Variants in TNRC6A observed in about 807,000 individuals in gnomAD.
The protein encoded by TNRC6A is trinucleotide repeat-containing gene 6A protein.
In TNRC6A, 44 loss-of-function variants were observed where a neutral mutation model predicts 221.2. That is an observed-to-expected ratio of 0.20 (90% CI 0.16 to 0.26). The LOEUF (loss-of-function observed/expected upper bound fraction) is 0.26, where lower values mean the gene tolerates loss of function less well. Ranked by LOEUF, TNRC6A falls within the 10% of genes least tolerant of loss-of-function variation. The pLI is 1.00. For synonymous variants in TNRC6A, 847 were observed against 838.5 expected (o/e 1.01, Z -0.18); for missense variants, 2,199 against 2,404.4 (o/e 0.91, Z 1.79).
intron 1 of TNRC6A, among the ~76,000 whole-genome samples, chr16:24,615,547 G>C (rs1900298016): frequency 1.3e-5 from 2 of 152,126 alleles, no homozygotes; most frequent in Non-Finnish European, 2.9e-5. Context: ...GGAAAGAGGA[G>C]GGAAATCGGA....
chr16:24,812,754 A>G (rs949201125), intron 18 of TNRC6A, among the ~76,000 whole-genome samples: 1 of 151,676 alleles, frequency 6.6e-6, no homozygotes, highest in Non-Finnish European at 1.5e-5. Context: ...GAAATTGCCT[A>G]GTTTCTCCAA....
At chr16:24,714,938 G>A (rs1376107483) in intron 2 of TNRC6A, among the ~76,000 whole-genome samples, 7 of 149,898 alleles carry the variant, frequency 4.7e-5, no homozygotes, top group Non-Finnish European at 1.0e-4. Flanking sequence ...GTGCAGTGGC[G>A]TGATCTCGGC....
intron 2 of TNRC6A, among the ~76,000 whole-genome samples, chr16:24,722,411 C>CTATTTATTTATTTATTTACT (rs1189350837): frequency 2.0e-5 from 2 of 102,470 alleles, no homozygotes; most frequent in Admixed American, 2.3e-4. Context: ...AAGACCCCAA[C>CTATTTATTTATTTATTTACT]TATTTATTTA....
rs751442727 is a variant in TNRC6A, at chr16:24,820,118, A to AT, written c.5081-15dup. The AT allele has an allele frequency of 3.7e-6, 6 of 1,606,346 alleles. No homozygotes were observed. In the South Asian group the frequency reaches 5.5e-5, roughly 15 times the overall value. ...CTTAAACATTATTCCTCCCCTCTCC[A>AT]TTTTTTCCCCCTTTGAGTAGCCAGA... On this transcript the variant is annotated intron_variant, in intron 21 of 24. Coordinates refer to ENST00000395799, the MANE Select transcript of TNRC6A (RefSeq NM_014494.4).
chr16:24,792,893 A>T (rs2058140372), intron 6 of TNRC6A, among the ~76,000 whole-genome samples: 1 of 151,110 alleles, frequency 6.6e-6, no homozygotes, highest in Non-Finnish European at 1.5e-5. Flanking sequence ...GGTTCAAGCA[A>T]TTCTCCTGTC....
rs1054244436 is a variant in TNRC6A at position 24,713,449 on chromosome 16, CAA to C, written n.403-37271_403-37270del. Among the ~76,000 whole-genome samples the C allele has an allele frequency of 4.2e-4, 33 of 77,848 alleles. 1 individual carries two copies. The East Asian group carries it at 9.3e-3, about 22-fold the overall frequency. 51.1% of individuals were successfully genotyped at this position (77,848 alleles called of 152,430 possible). ...ACAAACAAACAAACAAACAAACAAACAAAAAAATATATATATATATATGTTAC... is the reference window on the plus strand; with the variant it reads ...ACAAACAAACAAACAAACAAACAAACAAAAATATATATATATATATGTTAC... On this transcript the variant is annotated intron_variant and non_coding_transcript_variant, in intron 2 of 2. Coordinates refer to the TNRC6A transcript ENST00000566108.
At chr16:24,822,513 C>T (rs568117169) in intron 23 of TNRC6A, among the ~76,000 whole-genome samples, 10 of 152,280 alleles carry the variant, frequency 6.6e-5, no homozygotes, top group Admixed American at 6.5e-4. Context: ...ATTTTCTTAG[C>T]CCCTGGCCTG....
At chr16:24,730,416 C>A in intron 2 of TNRC6A, 116 bp downstream of exon 2, 1 of 1,267,696 alleles carries the variant, frequency 7.9e-7, no homozygotes, top group Non-Finnish European at 1.1e-6. Context: ...ACCCGGAGAG[C>A]AGACATTCGG....
At chr16:24,713,328 G>T (rs1038413647) in intron 2 of TNRC6A, among the ~76,000 whole-genome samples, 1 of 152,002 alleles carries the variant, frequency 6.6e-6, no homozygotes, top group Non-Finnish European at 1.5e-5. Context: ...TGAAGCACAA[G>T]AATTGCCTGA....
intron 4 of TNRC6A, chr16:24,776,706 G>A (rs1057318756): frequency 1.0e-6 from 1 of 985,444 alleles, no homozygotes; most frequent in East Asian, 1.1e-4. Context: ...CTTGGCCGAA[G>A]GTCCCTGGGC....
chr16:24,715,674 GTGGCATGATCT>G (rs1415760121), intron 2 of TNRC6A, among the ~76,000 whole-genome samples: 9 of 147,758 alleles, frequency 6.1e-5, no homozygotes, highest in African/African-American at 2.3e-4. Context: ...CTGGAGTGCA[GTGGCATGATCT>G]TGGCTCACTG....
intron 2 of TNRC6A, among the ~76,000 whole-genome samples, chr16:24,722,390 G>A (rs992111696): frequency 3.3e-5 from 5 of 151,472 alleles, no homozygotes; most frequent in Non-Finnish European, 4.4e-5. Context: ...CCCTAGCCTG[G>A]GTGACAGAGC....
chr16:24,669,225 C>T (rs1021191747), intron 2 of TNRC6A, among the ~76,000 whole-genome samples: 4 of 152,008 alleles, frequency 2.6e-5, no homozygotes, highest in Admixed American at 1.3e-4. Context: ...AAAATCCTGG[C>T]GGGGCATTCA....
intron 1 of TNRC6A, among the ~76,000 whole-genome samples, chr16:24,621,098 A>AG (rs1469873697): frequency 2.0e-5 from 3 of 150,672 alleles, no homozygotes; most frequent in African/African-American, 7.3e-5. Flanking sequence ...AAAAAAAAAA[A>AG]AAAAAAAAGT....
At chr16:24,773,151 G>T (rs911969819) in intron 4 of TNRC6A, among the ~76,000 whole-genome samples, 3 of 151,944 alleles carry the variant, frequency 2.0e-5, no homozygotes, top group Admixed American at 6.5e-5. Context: ...ACTTTAGTAT[G>T]TGCGGGTGTT....
intron 2 of TNRC6A, among the ~76,000 whole-genome samples, chr16:24,679,325 A>G (rs971580048): frequency 6.8e-6 from 1 of 147,926 alleles, no homozygotes. Flanking sequence ...TTCTCTTGAG[A>G]CAGGGTCTCT....
intron 1 of TNRC6A, among the ~76,000 whole-genome samples, chr16:24,626,953 GTT>G (rs374063274): frequency 0.44 from 61,190 of 138,768 alleles, 13,912 homozygotes; most frequent in East Asian, 0.64. Context: ...CGCCCAGCCT[GTT>G]TTTTTTTTTT....
intron 5 of TNRC6A, among the ~76,000 whole-genome samples, chr16:24,781,641 G>C (rs1303826816): frequency 6.6e-6 from 1 of 152,040 alleles, no homozygotes; most frequent in African/African-American, 2.4e-5. Flanking sequence ...TCAAAACTCA[G>C]TATGTCCAAA....
At chr16:24,671,219 A>G (rs561030440) in intron 2 of TNRC6A, among the ~76,000 whole-genome samples, 1 of 152,244 alleles carries the variant, frequency 6.6e-6, no homozygotes, top group South Asian at 2.1e-4. Flanking sequence ...TTCTAAAAAA[A>G]AGAGAGGTTG....
Sources: gnomAD v4.1 joint callset for allele counts (sites outside exome capture counted in the v4.1 genomes callset) on GRCh38, gnomAD v4.1.1 for gene constraint, MANE v1.5 for transcripts, NCBI Gene and HGNC (gene_info 2026-07-23, HGNC 2026-07-21) for gene names.